Variants in DEPDC5 observed in about 807,000 individuals in gnomAD.
DEPDC5 encodes DEP domain containing 5, GATOR1 subcomplex subunit, also known as GATOR1 complex protein DEPDC5.
A neutral mutation model predicts 217.3 loss-of-function variants in DEPDC5; 73 were observed. The observed-to-expected ratio is 0.34, with a 90% CI of 0.28 to 0.41. DEPDC5 has a LOEUF of 0.41. Ranked by LOEUF, DEPDC5 falls within the 10% of genes least tolerant of loss-of-function variation. DEPDC5 has a pLI of 1.00. For synonymous variants in DEPDC5, 733 were observed against 756.7 expected, an observed-to-expected ratio of 0.97 and a Z score of 0.51; for missense variants, 1,675 against 2,070.1, an observed-to-expected ratio of 0.81 and a Z score of 3.70.
At position 31,819,055 on chromosome 22, in the gene DEPDC5, G is replaced by A. The variant is rs985499891; in HGVS notation, c.1700G>A (p.Arg567Gln). Residue 567 changes from arginine to glutamine, a missense_variant, in exon 22 of 43, where the codon CGA (arginine) becomes CAA (glutamine). This residue lies in a region of DEPDC5 where 628 missense variants were observed against 762.1 expected (regional missense o/e 0.82). Transcript: ENST00000651528. ...GAGAACATGATGGAGCCACCACAGC[G>A]AGACTCCAGTGCACCAGGGAGGTTT... ...VLENMMEPPQ[R>Q]DSSAPGRFHV... 5 of 1,614,042 alleles carry A rather than the reference G, an allele frequency of 3.1e-6. No individual in the cohort carries two copies. In the African/African-American group the frequency reaches 4.0e-5, roughly 13 times the overall value.
intron 33 of DEPDC5, among the ~76,000 whole-genome samples, chr22:31,862,530 A>T (rs1344800213): frequency 6.6e-6 from 1 of 152,194 alleles, no homozygotes; most frequent in African/African-American, 2.4e-5. Flanking sequence ...GCACCACTGC[A>T]CTCCAGCCTG....
chr22:31,767,987 G>A lies in DEPDC5; in HGVS notation c.364-827G>A, dbSNP rs527827390. Among the ~76,000 whole-genome samples, 14 of 147,838 alleles carry A rather than the reference G, an allele frequency of 9.5e-5. No individual in the cohort carries two copies. In the South Asian group the frequency reaches 1.7e-3, roughly 18 times the overall value. On this transcript the variant is annotated intron_variant, in intron 6 of 42. Coordinates refer to ENST00000651528, the MANE Select transcript of DEPDC5 (RefSeq NM_001242896.3). ...GTCTCGATCTCCTGACCTCGTGATC[G>A]TCCCATCTCGGCCTCCCAAAGTGCT... is the stretch of plus-strand genomic sequence containing the variant.
intron 8 of DEPDC5, among the ~76,000 whole-genome samples, chr22:31,781,825 A>G (rs1044604171): frequency 6.6e-6 from 1 of 152,130 alleles, no homozygotes; most frequent in Non-Finnish European, 1.5e-5. Flanking sequence ...GCTTGAGCCC[A>G]GGAGATTGAG....
At chr22:31,766,715 GA>G in intron 6 of DEPDC5, 47 bp downstream of exon 6, 1 of 1,516,672 alleles carries the variant, frequency 6.6e-7, no homozygotes, top group Admixed American at 1.7e-5. Flanking sequence ...TCCATTATGT[GA>G]ATAATCCCTG....
chr22:31,859,987 A>G (rs2092452793), intron 32 of DEPDC5, among the ~76,000 whole-genome samples: 1 of 152,182 alleles, frequency 6.6e-6, no homozygotes, highest in African/African-American at 2.4e-5. Flanking sequence ...TTTTGCCTCT[A>G]CTCATTGCCA....
At chr22:31,873,713 A>G (rs28542543) in intron 35 of DEPDC5, 24,499 of 172,838 alleles carry the variant, frequency 0.14, 1,975 homozygotes, top group African/African-American at 0.21. Context: ...CCTGACAAGT[A>G]TAGGTATTCT....
chr22:31,801,996 A>ACTAATATAATATAC (rs2086911498), intron 14 of DEPDC5, among the ~76,000 whole-genome samples: 5 of 149,026 alleles, frequency 3.4e-5, no homozygotes, highest in Non-Finnish European at 7.4e-5. Context: ...AGTGTCTTAA[A>ACTAATATAATATAC]TTAATACTAA....
intron 24 of DEPDC5, among the ~76,000 whole-genome samples, chr22:31,826,183 T>C (rs2090133242): frequency 6.6e-6 from 1 of 152,032 alleles, no homozygotes; most frequent in Non-Finnish European, 1.5e-5. Context: ...ATTTTTGTAT[T>C]TTTAGTAGAG....
intron 10 of DEPDC5, among the ~76,000 whole-genome samples, chr22:31,790,372 A>G (rs1360303864): frequency 6.6e-6 from 1 of 152,180 alleles, no homozygotes; most frequent in African/African-American, 2.4e-5. Flanking sequence ...AACTGTTGCA[A>G]GCCACTTTTG....
intron 40 of DEPDC5, among the ~76,000 whole-genome samples, chr22:31,898,585 G>A (rs1259911239): frequency 3.3e-5 from 5 of 152,172 alleles, no homozygotes; most frequent in Non-Finnish European, 5.9e-5. Context: ...AGTCTGTGTC[G>A]TGATCAGCGG....
At chr22:31,805,000 T>A in intron 17 of DEPDC5, 85 bp downstream of exon 17, 1 of 1,294,376 alleles carries the variant, frequency 7.7e-7, no homozygotes, top group Admixed American at 1.9e-5. Flanking sequence ...TAAGTTCTTA[T>A]TATGGCACTA....
intron 10 of DEPDC5, 82 bp from the exon 11 acceptor site, chr22:31,791,951 A>AT: frequency 7.5e-6 from 4 of 533,958 alleles, no homozygotes; most frequent in East Asian, 4.0e-5. Flanking sequence ...AAAAAAAAAA[A>AT]GAATATTATA....
chr22:31,874,042 C>T (rs1569168974), intron 35 of DEPDC5: 1 of 475,640 alleles, frequency 2.1e-6, no homozygotes, highest in East Asian at 5.1e-5. Context: ...ATCCACCCGC[C>T]TCAGCCTCCC....
chr22:31,834,556 A>C (rs2090847731), intron 25 of DEPDC5, among the ~76,000 whole-genome samples: 1 of 144,436 alleles, frequency 6.9e-6, no homozygotes, highest in Admixed American at 7.1e-5. Context: ...TTGCTCTGTC[A>C]CCCAGGCTGG....
intron 21 of DEPDC5, 164 bp downstream of exon 21, chr22:31,815,376 A>G: frequency 1.4e-6 from 1 of 697,348 alleles, no homozygotes; most frequent in Non-Finnish European, 2.6e-6. Flanking sequence ...CTATGTATAT[A>G]TTATACTTCT....
chr22:31,793,779 C>T (rs1476864185), intron 12 of DEPDC5, among the ~76,000 whole-genome samples: 2 of 152,072 alleles, frequency 1.3e-5, no homozygotes, highest in East Asian at 3.9e-4. Flanking sequence ...CCATGTTGGC[C>T]AGCCTGGTCT....
chr22:31,905,792 G>A (rs117698117), intron 41 of DEPDC5, among the ~76,000 whole-genome samples, 192 bp from the exon 42 acceptor site: 409 of 152,152 alleles, frequency 2.7e-3, no homozygotes, highest in Non-Finnish European at 4.4e-3. Flanking sequence ...AAGCCATGGT[G>A]TTGGAAGAGG....
At chr22:31,834,512 T>A (rs1357442320) in intron 25 of DEPDC5, among the ~76,000 whole-genome samples, 1 of 150,826 alleles carries the variant, frequency 6.6e-6, no homozygotes, top group Non-Finnish European at 1.5e-5. Flanking sequence ...AGTCTTTTTG[T>A]CCCCACTTTT....
intron 38 of DEPDC5, among the ~76,000 whole-genome samples, chr22:31,882,447 A>C (rs1267912128): frequency 1.3e-5 from 2 of 152,236 alleles, no homozygotes; most frequent in Non-Finnish European, 2.9e-5. Context: ...GAAGAAAGCA[A>C]AAAGATTTCT....
Sources: allele counts gnomAD v4.1 joint callset (sites outside exome capture counted in the v4.1 genomes callset), GRCh38; gene constraint gnomAD v4.1.1; regional missense constraint gnomAD v4.1.1; transcripts MANE v1.5; gene names NCBI Gene and HGNC (gene_info 2026-07-23, HGNC 2026-07-21).